FAM241A: variants seen among roughly 807,000 people sequenced by gnomAD.
FAM241A encodes the protein family with sequence similarity 241 member A, also known as uncharacterized protein FAM241A.
In FAM241A, 7 loss-of-function variants were observed where a neutral mutation model predicts 12.2. That is an observed-to-expected ratio of 0.58 (90% CI 0.33 to 1.08). The LOEUF is 1.08. FAM241A is among the 50% of genes least tolerant of loss of function. FAM241A has a pLI of 0.04. For missense variants in FAM241A, 161 were observed against 169.7 expected (o/e 0.95, Z 0.29); for synonymous variants, 74 against 68.2 (o/e 1.08, Z -0.42).
chr4:112,147,218 A>G (rs1412498212), intron 1 of FAM241A, among the ~76,000 whole-genome samples: 1 of 152,254 alleles, frequency 6.6e-6, no homozygotes, highest in Non-Finnish European at 1.5e-5. Context: ...AATGAAAAGT[A>G]CATCTTAGAA....
chr4:112,163,914 C>T (rs1723535793), intron 1 of FAM241A, among the ~76,000 whole-genome samples: 1 of 152,220 alleles, frequency 6.6e-6, no homozygotes. Context: ...CACATGTACA[C>T]CATGGAATAC....
rs183916781 is a variant in FAM241A, at chr4:112,154,611, C to G, written c.153+8878C>G. On this transcript the variant is annotated intron_variant, in intron 1 of 1. Transcript: ENST00000309733. ...AAGTTTACCCATCTTGTAGTAGCAT[C>G]TAGCATATTGTCCTGCATATGCAAG... Among the ~76,000 whole-genome samples, 9 of 152,226 alleles carry G rather than the reference C, an allele frequency of 5.9e-5. No homozygotes were observed. The East Asian group carries it at 1.5e-3, about 26-fold the overall frequency.
intron 1 of FAM241A, among the ~76,000 whole-genome samples, chr4:112,155,508 G>T (rs950476461): frequency 1.3e-5 from 2 of 151,580 alleles, no homozygotes; most frequent in African/African-American, 4.8e-5. Flanking sequence ...TGACAAACAA[G>T]TTATAATGAT....
chr4:112,193,080 C>T lies in FAM241A; in HGVS notation c.*6142C>T, dbSNP rs1166687770. On this transcript the variant is annotated 3_prime_UTR_variant, in exon 2 of 2. Coordinates refer to ENST00000309733, the MANE Select transcript of FAM241A (RefSeq NM_152400.3). ...GGTATCTCATTGTGGTTTTGATTTG[C>T]ATTTCTCTGATGGTCAGTGATGGTG... The T allele has an allele frequency of 1.3e-5, 2 of 151,766 alleles. No homozygotes were observed. The highest frequency in any genetic ancestry group is 2.4e-5 in the African/African-American group (1 of 41,144). 9.4% of individuals were successfully genotyped at this position (151,766 alleles called of 1,614,324 possible).
intron 1 of FAM241A, among the ~76,000 whole-genome samples, chr4:112,175,295 C>T (rs2110431530): frequency 6.6e-6 from 1 of 152,116 alleles, no homozygotes; most frequent in East Asian, 1.9e-4. Flanking sequence ...CAAGCTTTCC[C>T]CCCTAGTAAT....
intron 1 of FAM241A, among the ~76,000 whole-genome samples, chr4:112,185,635 A>C (rs1389717067): frequency 6.6e-6 from 1 of 152,216 alleles, no homozygotes; most frequent in Non-Finnish European, 1.5e-5. Flanking sequence ...TTTTGAGAAC[A>C]GGTCACTGCT....
chr4:112,163,397 T>C (rs1365954558), intron 1 of FAM241A, among the ~76,000 whole-genome samples: 2 of 152,132 alleles, frequency 1.3e-5, no homozygotes, highest in Non-Finnish European at 2.9e-5. Flanking sequence ...AGAAAAATTT[T>C]ACAATCTACC....
intron 1 of FAM241A, among the ~76,000 whole-genome samples, chr4:112,165,711 T>C (rs1723581153): frequency 6.6e-6 from 1 of 151,956 alleles, no homozygotes. Flanking sequence ...ATCAAAATAA[T>C]TGAACTCATG....
At chr4:112,183,430 C>A (rs1723982162) in intron 1 of FAM241A, among the ~76,000 whole-genome samples, 1 of 152,014 alleles carries the variant, frequency 6.6e-6, no homozygotes, top group African/African-American at 2.4e-5. Flanking sequence ...CCTCGCCTGG[C>A]CTGATTTACT....
chr4:112,157,920 A>G (rs924871163), intron 1 of FAM241A, among the ~76,000 whole-genome samples: 2 of 152,180 alleles, frequency 1.3e-5, no homozygotes, highest in Admixed American at 6.5e-5. Flanking sequence ...ACAGCAATGT[A>G]GAGGCACATT....
chr4:112,176,837 CA>C (rs1484645818), intron 1 of FAM241A, among the ~76,000 whole-genome samples: 2 of 152,030 alleles, frequency 1.3e-5, no homozygotes, highest in Admixed American at 6.6e-5. Flanking sequence ...GTACATTTGA[CA>C]AATGTTTTTC....
chr4:112,192,357 T>G lies in FAM241A; in HGVS notation c.*5419T>G, dbSNP rs1724183412. 1 of 151,866 alleles carries G rather than the reference T, an allele frequency of 6.6e-6. No homozygotes were observed. Among genetic ancestry groups the G allele is most frequent in the Middle Eastern group, 3.2e-3 (1 of 316 alleles). 9.4% of individuals were successfully genotyped at this position (151,866 alleles called of 1,614,324 possible). Reference sequence around the variant, plus strand: ...TTAATTTTTTTCTTTTATTTTATTGTTATTATACTTTAAGTTTTAGGGTAC... The same window carrying G: ...TTAATTTTTTTCTTTTATTTTATTGGTATTATACTTTAAGTTTTAGGGTAC... On this transcript the variant is annotated 3_prime_UTR_variant, in exon 2 of 2. Coordinates refer to ENST00000309733, the MANE Select transcript of FAM241A (RefSeq NM_152400.3).
chr4:112,161,693 G>C (rs1326326954), intron 1 of FAM241A, among the ~76,000 whole-genome samples: 1 of 152,096 alleles, frequency 6.6e-6, no homozygotes, highest in Non-Finnish European at 1.5e-5. Context: ...AAAAAGTCTA[G>C]GACCAGACGG....
intron 1 of FAM241A, among the ~76,000 whole-genome samples, chr4:112,185,942 C>G (rs966453785): frequency 2.6e-5 from 4 of 152,186 alleles, no homozygotes; most frequent in Non-Finnish European, 5.9e-5. Flanking sequence ...ACGCTGGTCC[C>G]TCTATTGGCA....
rs983496405 is a variant in FAM241A, at chr4:112,145,457, C to A, written c.-124C>A. 3.2e-5 allele frequency: 32 copies of A among 1,003,046 alleles called. No individual in the cohort carries two copies. The highest frequency in any genetic ancestry group is 3.9e-5 in the Non-Finnish European group (31 of 794,172). 62.1% of individuals were successfully genotyped at this position (1,003,046 alleles called of 1,614,324 possible). On this transcript the variant is annotated 5_prime_UTR_variant, in exon 1 of 2. Transcript: ENST00000309733. ...GGCGCCCAGGCCGGCGGGGCGCGCTCCGGCGGCTCCTGTCAGCGGCGGGTG... is the reference window on the plus strand; with the variant it reads ...GGCGCCCAGGCCGGCGGGGCGCGCTACGGCGGCTCCTGTCAGCGGCGGGTG...
At chr4:112,164,305 T>C (rs1160085642) in intron 1 of FAM241A, among the ~76,000 whole-genome samples, 1 of 151,514 alleles carries the variant, frequency 6.6e-6, no homozygotes, top group African/African-American at 2.4e-5. Context: ...TGTGAGGACA[T>C]GGATGAAGCT....
intron 1 of FAM241A, among the ~76,000 whole-genome samples, chr4:112,165,075 T>C (rs1723566341): frequency 6.6e-6 from 1 of 152,328 alleles, no homozygotes; most frequent in Non-Finnish European, 1.5e-5. Context: ...CACTCCAGCC[T>C]GGATGACAGA....
chr4:112,166,287 G>A (rs1173541235), intron 1 of FAM241A, among the ~76,000 whole-genome samples: 1 of 151,546 alleles, frequency 6.6e-6, no homozygotes, highest in African/African-American at 2.4e-5. Context: ...GTATCTCCTG[G>A]TCTCGATCTC....
intron 1 of FAM241A, among the ~76,000 whole-genome samples, chr4:112,146,146 C>T (rs1332953846): frequency 6.6e-6 from 1 of 152,176 alleles, no homozygotes; most frequent in Non-Finnish European, 1.5e-5. Flanking sequence ...CGGCTCCCCT[C>T]CCGCCCTCCA....
Sources: allele counts gnomAD v4.1 joint callset (sites outside exome capture counted in the v4.1 genomes callset), GRCh38; gene constraint gnomAD v4.1.1; transcripts MANE v1.5; gene names NCBI Gene and HGNC (gene_info 2026-07-23, HGNC 2026-07-21).